The following SUN5 variants were observed in gnomAD, a reference collection of about 807,000 sequenced individuals.
SUN5 encodes SUN domain-containing protein 5.
SUN5 carries 44 observed loss-of-function variants against 53.7 expected under a neutral mutation model. The ratio of observed to expected loss-of-function variants is 0.82; its 90% confidence interval spans 0.64 to 1.05. The LOEUF is 1.05. Ranked by LOEUF, SUN5 falls within the 50% of genes least tolerant of loss-of-function variation. The pLI is 0.00. For synonymous variants in SUN5, 166 were observed against 179.8 expected (o/e 0.92, Z 0.62); for missense variants, 433 against 483.8 (o/e 0.90, Z 0.98).
In SUN5 at chr20:32,997,727, C is replaced by A. The variant is rs77164954; in HGVS notation, c.341-40G>T. 4.3e-6 allele frequency: 7 copies of A among 1,611,080 alleles called. No individual in the cohort carries two copies. In the African/African-American group the frequency reaches 9.3e-5, roughly 21 times the overall value. On this transcript the variant is annotated intron_variant, in intron 5 of 12. Coordinates refer to ENST00000356173, the MANE Select transcript of SUN5 (RefSeq NM_080675.4). Reference sequence around the variant, plus strand: ...GAATAAGAATGAGCCATTTAACATGCAAGATGAAGAGCCTAGGTGCTGGAG... The same window carrying A: ...GAATAAGAATGAGCCATTTAACATGAAAGATGAAGAGCCTAGGTGCTGGAG...
rs562138750 is a variant in SUN5, at chr20:32,993,015, T to C, written c.534+2604A>G. On this transcript the variant is annotated intron_variant, in intron 8 of 12. Transcript: ENST00000356173. ...ATAACATGAACACACTCATACCTCA[T>C]GATCCAGCAATTCCACTCCTAGTTA... 2.0e-5 allele frequency among the ~76,000 whole-genome samples: 3 copies of C among 152,346 alleles called. No individual in the cohort carries two copies. The South Asian group carries it at 6.2e-4, about 32-fold the overall frequency.
chr20:32,997,726 G>A (rs1303041119), intron 5 of SUN5, 39 bp from the exon 6 acceptor site: 1 of 1,610,860 alleles, frequency 6.2e-7, no homozygotes, highest in Non-Finnish European at 8.5e-7. Context: ...CATTTAACAT[G>A]CAAGATGAAG....
intron 8 of SUN5, among the ~76,000 whole-genome samples, chr20:32,992,449 C>T (rs187460955): frequency 6.6e-6 from 1 of 152,290 alleles, no homozygotes; most frequent in Admixed American, 6.5e-5. Flanking sequence ...GACTCCCTCT[C>T]ACTCTGAGAA....
Position 32,986,890 on chromosome 20 carries a change from C to T in SUN5, c.729+770G>A, listed in dbSNP as rs182194164. ...TGTGCCCCTGCGTTCTATCTGCCTG[C>T]GGATCTGCTAGTCCTCGGCTGCGGC... On this transcript the variant is annotated intron_variant, in intron 10 of 12. Coordinates refer to ENST00000356173, the MANE Select transcript of SUN5 (RefSeq NM_080675.4). Among the ~76,000 whole-genome samples the T allele has an allele frequency of 5.3e-5, 8 of 152,322 alleles. No individual in the cohort carries two copies. In the East Asian group the frequency reaches 1.2e-3, roughly 22 times the overall value.
chr20:33,002,792 C>T (rs1410232309), intron 2 of SUN5, 69 bp downstream of exon 2: 51 of 1,607,882 alleles, frequency 3.2e-5, no homozygotes, highest in African/African-American at 4.0e-5. Context: ...CCAGGTTGCC[C>T]GTTTGACATC....
chr20:32,987,583 C>T, intron 10 of SUN5, 77 bp downstream of exon 10: 1 of 1,152,946 alleles, frequency 8.7e-7, no homozygotes, highest in Non-Finnish European at 1.2e-6. Context: ...CCCCCTACCT[C>T]TTCTGCCAGC....
At position 32,987,793 on chromosome 20, in the gene SUN5, G is replaced by A. The variant is rs1989588304; in HGVS notation, c.614-18C>T. ...GCTGGCCCCTGTATAGGAGAAGGGG[G>A]TCTCAGCCAAGCAGCCGGGCTTCTG... On this transcript the variant is annotated intron_variant, in intron 9 of 12. Transcript: ENST00000356173. The A allele has an allele frequency of 1.2e-6, 2 of 1,602,310 alleles. No individual in the cohort carries two copies. The highest frequency in any genetic ancestry group is 1.7e-6 in the Non-Finnish European group (2 of 1,173,192).
chr20:32,991,732 T>C (rs752699473), intron 8 of SUN5, among the ~76,000 whole-genome samples: 2 of 152,252 alleles, frequency 1.3e-5, no homozygotes, highest in Non-Finnish European at 2.9e-5. Context: ...AGATGAGTTT[T>C]AGCAAATTTT....
At chr20:32,990,707 T>C (rs1323454315) in intron 8 of SUN5, among the ~76,000 whole-genome samples, 1 of 152,112 alleles carries the variant, frequency 6.6e-6, no homozygotes, top group African/African-American at 2.4e-5. Context: ...AGCATCAATC[T>C]CCAGTCACGT....
chr20:32,998,107 G>A (rs779841321), intron 5 of SUN5, among the ~76,000 whole-genome samples: 9 of 148,816 alleles, frequency 6.0e-5, no homozygotes, highest in Non-Finnish European at 1.2e-4. Context: ...GGAAGGCTGA[G>A]GCAGGCAGAT....
At chr20:32,998,658 G>C (rs1989916821) in intron 5 of SUN5, among the ~76,000 whole-genome samples, 1 of 152,128 alleles carries the variant, frequency 6.6e-6, no homozygotes, top group Non-Finnish European at 1.5e-5. Context: ...GGATGAGACA[G>C]GGATGCTTCC....
At chr20:33,001,146 G>A in intron 4 of SUN5, 66 bp downstream of exon 4, 2 of 1,511,778 alleles carry the variant, frequency 1.3e-6, no homozygotes, top group Non-Finnish European at 1.8e-6. Context: ...TGATGGAGGG[G>A]CTGTTATGGT....
intron 9 of SUN5, 123 bp downstream of exon 9, chr20:32,989,497 C>T (rs1489104988): frequency 3.3e-6 from 2 of 602,136 alleles, no homozygotes; most frequent in Non-Finnish European, 2.7e-6. Context: ...AGAAAACCAG[C>T]TTGGAACAGA....
intron 8 of SUN5, among the ~76,000 whole-genome samples, chr20:32,991,775 GAA>G (rs1022852892): frequency 1.3e-5 from 2 of 152,186 alleles, no homozygotes; most frequent in Non-Finnish European, 2.9e-5. Context: ...TTATCTTTGT[GAA>G]CTCTTTTAAA....
At position 32,996,329 on chromosome 20, in the gene SUN5, G is replaced by C; in HGVS notation, c.420C>G (p.Ser140Arg). 2 of 1,613,318 alleles carry C rather than the reference G, an allele frequency of 1.2e-6. No individual in the cohort carries two copies. Among genetic ancestry groups the C allele is most frequent in the Non-Finnish European group, 1.7e-6 (2 of 1,179,496 alleles). ...ACCCAGAAGATTCCTCTTACCTCAA[G>C]CTCTGCAGTGGACCATTTATGCTGT... Reference protein sequence around the residue: ...QDDSINGPLQSLRLYQEKVRH... With the variant: ...QDDSINGPLQRLRLYQEKVRH... Residue 140 changes from serine (S) to arginine (R), a missense_variant, in exon 7 of 13, where the codon AGC becomes AGG. Physicochemically the swap from Ser to Arg is moderately radical, Grantham distance 110 (BLOSUM62 -1). Coordinates refer to ENST00000356173, the MANE Select transcript of SUN5 (RefSeq NM_080675.4).
intron 8 of SUN5, among the ~76,000 whole-genome samples, chr20:32,994,436 A>G (rs529105148): frequency 1.3e-5 from 2 of 152,364 alleles, no homozygotes; most frequent in East Asian, 3.9e-4. Context: ...TGATCCAGAC[A>G]TTGGAGTTAG....
chr20:33,002,819 T>TC, intron 2 of SUN5, 42 bp downstream of exon 2: 1 of 1,612,682 alleles, frequency 6.2e-7, no homozygotes, highest in Non-Finnish European at 8.5e-7. Flanking sequence ...CCTCAGCCCC[T>TC]CAGCTGCCCA....
chr20:32,997,840 T>C (rs1242573095), intron 5 of SUN5, among the ~76,000 whole-genome samples, 153 bp from the exon 6 acceptor site: 1 of 152,118 alleles, frequency 6.6e-6, no homozygotes, highest in African/African-American at 2.4e-5. Flanking sequence ...ATGCCTCTGT[T>C]CCCTCCTCTG....
intron 5 of SUN5, among the ~76,000 whole-genome samples, chr20:32,998,432 C>T (rs1334333179): frequency 6.6e-6 from 1 of 152,152 alleles, no homozygotes; most frequent in East Asian, 1.9e-4. Flanking sequence ...CATGCTGCTG[C>T]ATTCCAGCCT....
Sources: gnomAD v4.1 joint callset for allele counts (sites outside exome capture counted in the v4.1 genomes callset) on GRCh38, gnomAD v4.1.1 for gene constraint, MANE v1.5 for transcripts, NCBI Gene and HGNC (gene_info 2026-07-23, HGNC 2026-07-21) for gene names.